Variants in PPP1R16B observed in about 807,000 individuals in gnomAD.
The protein encoded by PPP1R16B is protein phosphatase 1 regulatory subunit 16B.
PPP1R16B carries 14 observed loss-of-function variants against 61.7 expected under a neutral mutation model. The observed-to-expected ratio is 0.23, with a 90% CI of 0.15 to 0.35. PPP1R16B has a LOEUF of 0.35. Ranked by LOEUF, PPP1R16B falls within the 10% of genes least tolerant of loss-of-function variation. The probability of loss-of-function intolerance (pLI) is 1.00; values close to 1 mark genes in which losing one functional copy is unlikely to be tolerated. For missense variants in PPP1R16B, 547 were observed against 752.5 expected, an observed-to-expected ratio of 0.73 and a Z score of 3.19; for synonymous variants, 266 against 305.3, an observed-to-expected ratio of 0.87 and a Z score of 1.34.
intron 2 of PPP1R16B, among the ~76,000 whole-genome samples, chr20:38,885,561 C>T (rs1343484017): frequency 6.6e-6 from 1 of 152,120 alleles, no homozygotes; most frequent in African/African-American, 2.4e-5. Context: ...TAGAATGGTC[C>T]ACTGGCCACC....
At chr20:38,855,582 A>G (rs901204435) in intron 2 of PPP1R16B, among the ~76,000 whole-genome samples, 1 of 152,160 alleles carries the variant, frequency 6.6e-6, no homozygotes, top group African/African-American at 2.4e-5. Flanking sequence ...TTATGATTTA[A>G]TCAGATCCAT....
intron 3 of PPP1R16B, among the ~76,000 whole-genome samples, chr20:38,893,986 C>T (rs2085312456): frequency 6.6e-6 from 1 of 152,188 alleles, no homozygotes; most frequent in African/African-American, 2.4e-5. Flanking sequence ...TTGGCGCCCT[C>T]TGCCGGCCGC....
chr20:38,869,407 C>G (rs1053716963), intron 2 of PPP1R16B, among the ~76,000 whole-genome samples: 1 of 152,116 alleles, frequency 6.6e-6, no homozygotes, highest in Non-Finnish European at 1.5e-5. Context: ...GATCCACCCA[C>G]CTCAGCCTCC....
chr20:38,849,034 C>T (rs546582657), intron 2 of PPP1R16B, among the ~76,000 whole-genome samples: 28 of 152,222 alleles, frequency 1.8e-4, no homozygotes, highest in Non-Finnish European at 2.9e-4. Flanking sequence ...TTTTTCTAAG[C>T]GGGCAAATAG....
At chr20:38,842,219 G>T (rs776209511) in intron 2 of PPP1R16B, among the ~76,000 whole-genome samples, 1 of 152,138 alleles carries the variant, frequency 6.6e-6, no homozygotes, top group African/African-American at 2.4e-5. Context: ...GTTTTCACTA[G>T]AAAACTAGAG....
intron 4 of PPP1R16B, among the ~76,000 whole-genome samples, chr20:38,900,013 C>G (rs907745441): frequency 6.6e-6 from 1 of 152,042 alleles, no homozygotes; most frequent in Non-Finnish European, 1.5e-5. Flanking sequence ...AGGCTGGTCT[C>G]GAACTCCTGA....
intron 2 of PPP1R16B, among the ~76,000 whole-genome samples, chr20:38,866,447 G>C (rs2085091179): frequency 6.6e-6 from 1 of 152,220 alleles, no homozygotes; most frequent in African/African-American, 2.4e-5. Flanking sequence ...TGCCCCGGAA[G>C]GTGCGTTGAC....
intron 2 of PPP1R16B, among the ~76,000 whole-genome samples, chr20:38,863,301 T>G (rs2145738670): frequency 6.6e-6 from 1 of 152,276 alleles, no homozygotes; most frequent in South Asian, 2.1e-4. Flanking sequence ...GTACTTCCCC[T>G]CCTGTCTGTG....
intron 1 of PPP1R16B, among the ~76,000 whole-genome samples, chr20:38,823,723 G>A (rs2084787035): frequency 6.6e-6 from 1 of 152,146 alleles, no homozygotes; most frequent in Non-Finnish European, 1.5e-5. Context: ...TGAGCCTATA[G>A]GGGTTTGGAA....
intron 2 of PPP1R16B, among the ~76,000 whole-genome samples, chr20:38,865,831 A>G (rs1434102797): frequency 2.6e-5 from 4 of 152,152 alleles, no homozygotes; most frequent in African/African-American, 7.2e-5. Context: ...TTGGCTTTAA[A>G]AAGTTGAAAA....
chr20:38,892,211 C>G (rs1259384259), intron 3 of PPP1R16B, among the ~76,000 whole-genome samples: 1 of 152,128 alleles, frequency 6.6e-6, no homozygotes, highest in African/African-American at 2.4e-5. Flanking sequence ...GCAATGAACT[C>G]TCAAGTGGCA....
intron 2 of PPP1R16B, among the ~76,000 whole-genome samples, chr20:38,857,756 A>C (rs962756287): frequency 2.6e-5 from 4 of 151,826 alleles, no homozygotes; most frequent in African/African-American, 9.7e-5. Flanking sequence ...GACTCAGGGC[A>C]CTCAGTGACT....
chr20:38,881,334 G>A (rs2085202106), intron 2 of PPP1R16B, among the ~76,000 whole-genome samples: 1 of 152,266 alleles, frequency 6.6e-6, no homozygotes, highest in Admixed American at 6.5e-5. Flanking sequence ...GAAGCGCAGT[G>A]CCTTGGGGGC....
intron 1 of PPP1R16B, among the ~76,000 whole-genome samples, chr20:38,834,948 T>A (rs994021463): frequency 9.9e-5 from 15 of 152,248 alleles, no homozygotes; most frequent in African/African-American, 3.6e-4. Flanking sequence ...AGCTGGATTC[T>A]TGTATCTACT....
At chr20:38,863,263 G>A (rs2145738628) in intron 2 of PPP1R16B, among the ~76,000 whole-genome samples, 1 of 152,244 alleles carries the variant, frequency 6.6e-6, no homozygotes, top group Admixed American at 6.5e-5. Context: ...GATAACCCTG[G>A]TCTGACCGCA....
chr20:38,869,262 G>A (rs780433318), intron 2 of PPP1R16B, among the ~76,000 whole-genome samples: 2 of 151,920 alleles, frequency 1.3e-5, no homozygotes, highest in African/African-American at 4.8e-5. Flanking sequence ...GGGTTCAAGT[G>A]ATTCTCGTGC....
intron 1 of PPP1R16B, among the ~76,000 whole-genome samples, chr20:38,821,456 C>T (rs888808604): frequency 1.3e-5 from 2 of 152,090 alleles, no homozygotes. Context: ...TAATTTAAGA[C>T]CTGAATGAGA....
chr20:38,848,128 G>T (rs775019784), intron 2 of PPP1R16B, among the ~76,000 whole-genome samples: 2 of 152,106 alleles, frequency 1.3e-5, no homozygotes, highest in Non-Finnish European at 2.9e-5. Flanking sequence ...CATGTAGCCT[G>T]CAAAGGTTAA....
intron 2 of PPP1R16B, among the ~76,000 whole-genome samples, chr20:38,863,409 C>G (rs1435698952): frequency 1.3e-5 from 2 of 152,202 alleles, no homozygotes; most frequent in Non-Finnish European, 2.9e-5. Context: ...AGCCCAGGAC[C>G]ACTCCACTAG....
Sources: allele counts gnomAD v4.1 joint callset (sites outside exome capture counted in the v4.1 genomes callset), GRCh38; gene constraint gnomAD v4.1.1; transcripts MANE v1.5; gene names NCBI Gene and HGNC (gene_info 2026-07-23, HGNC 2026-07-21).